Variants in GPR15 observed in about 807,000 individuals in gnomAD.
GPR15 encodes the protein G protein-coupled receptor 15, also known as brother of Bonzo.
Under a neutral mutation model 19.3 loss-of-function variants are expected in GPR15, and 16 were observed. The observed-to-expected ratio is 0.83, with a 90% CI of 0.56 to 1.26. The LOEUF (loss-of-function observed/expected upper bound fraction) is 1.26. GPR15 is among the 50% of genes most tolerant of loss of function. The probability of loss-of-function intolerance (pLI) is 0.00; values close to 1 mark genes in which losing one functional copy is unlikely to be tolerated. For missense variants in GPR15, 458 were observed against 429.4 expected (o/e 1.07, Z -0.59); for synonymous variants, 170 against 171.2 (o/e 0.99, Z 0.05).
chr3:98,532,595 G>A lies in GPR15; in HGVS notation c.562G>A (p.Ala188Thr). The A allele has an allele frequency of 6.2e-7, 1 of 1,614,146 alleles. No individual in the cohort carries two copies. Among genetic ancestry groups the A allele is most frequent in the Non-Finnish European group, 8.5e-7 (1 of 1,180,028 alleles). ...TAAGCCATACTGTGCAGAGAAAAAG[G>A]CAACTCCAATTAAACTCATATGGTC... Reference protein sequence around the residue: ...DDKPYCAEKKATPIKLIWSLV... With the variant: ...DDKPYCAEKKTTPIKLIWSLV... Residue 188 changes from alanine to threonine, a missense_variant, in exon 1 of 1, where the codon GCA becomes ACA. Coordinates refer to ENST00000284311, the MANE Select transcript of GPR15 (RefSeq NM_005290.4).
chr3:98,532,101 G>A lies in GPR15; in HGVS notation c.68G>A (p.Arg23Lys). The A allele has an allele frequency of 9.9e-6, 16 of 1,614,114 alleles. No individual in the cohort carries two copies. The highest frequency in any genetic ancestry group is 1.3e-5 in the African/African-American group (1 of 75,024). ...GCTACGAGCCCAAACTCTGACATCA[G>A]GGAGACCCACTCCCATGTTCCTTAC... ...YYATSPNSDI[R>K]ETHSHVPYTS... is the part of the protein sequence containing the mutation. The change falls in exon 1 of 1, where the codon AGG (arginine) becomes AAG (lysine). Residue 23 changes from arginine (R) to lysine (K), a missense_variant. By Grantham distance (26) the Arg-to-Lys change is conservative. Coordinates refer to ENST00000284311, the MANE Select transcript of GPR15 (RefSeq NM_005290.4).
Position 98,532,011 on chromosome 3 carries a change from G to C in GPR15, c.-23G>C. On this transcript the variant is annotated 5_prime_UTR_variant, in exon 1 of 1. Coordinates refer to ENST00000284311, the MANE Select transcript of GPR15 (RefSeq NM_005290.4). Reference sequence around the variant, plus strand: ...ACATCATATGTAAGTAAACTCACCAGATTTGGCATCTGCTCTTTGGTGATG... The same window carrying C: ...ACATCATATGTAAGTAAACTCACCACATTTGGCATCTGCTCTTTGGTGATG... The C allele has an allele frequency of 1.3e-6, 2 of 1,579,466 alleles. No homozygotes were observed. The highest frequency in any genetic ancestry group is 1.2e-5 in the South Asian group (1 of 85,516).
In GPR15 at chr3:98,534,507, C is replaced by T. The variant is rs1576282222; in HGVS notation, c.*1391C>T. On this transcript the variant is annotated 3_prime_UTR_variant, in exon 1 of 1. Transcript: ENST00000284311. ...AAAAAACTTAGAATCCTTTCAAAGA[C>T]TAGCCAATTTAATTTCATCTCATGT... Among the ~76,000 whole-genome samples the T allele has an allele frequency of 6.6e-6, 1 of 152,160 alleles. No individual in the cohort carries two copies. The highest frequency in any genetic ancestry group is 1.5e-5 in the Non-Finnish European group (1 of 68,014).
Position 98,532,202 on chromosome 3 carries a change from G to A in GPR15, c.169G>A (p.Ala57Thr), listed in dbSNP as rs781294316. ...GCTGGGGAACCTTGTTCTCATGGGA[G>A]CGTTGCATTTCAAACCCGGCAGCCG... Reference protein sequence around the residue: ...GVLGNLVLMGALHFKPGSRRL... With the variant: ...GVLGNLVLMGTLHFKPGSRRL... The change falls in exon 1 of 1, where the codon GCG (alanine) becomes ACG (threonine). Residue 57 changes from alanine to threonine, a missense_variant. Transcript: ENST00000284311. 2 of 1,614,042 alleles carry A rather than the reference G, an allele frequency of 1.2e-6. No homozygotes were observed. The highest frequency in any genetic ancestry group is 1.7e-6 in the Non-Finnish European group (2 of 1,180,028).
Position 98,532,129 on chromosome 3 carries a change from C to T in GPR15, c.96C>T (p.Thr32=). 1.2e-6 allele frequency: 2 copies of T among 1,614,190 alleles called. No homozygotes were observed. The highest frequency in any genetic ancestry group is 8.5e-7 in the Non-Finnish European group (1 of 1,180,028). ...IRETHSHVPY[T]SVFLPVFYTA... ...AGACCCACTCCCATGTTCCTTACAC[C>T]TCTGTCTTCCTTCCAGTCTTTTACA... Residue 32 remains threonine (T), a synonymous_variant, in exon 1 of 1, where the codon ACC becomes ACT. Transcript: ENST00000284311.
In GPR15 at chr3:98,533,225, G is replaced by T; in HGVS notation, c.*109G>T. 2 of 1,198,500 alleles carry T rather than the reference G, an allele frequency of 1.7e-6. No homozygotes were observed. The highest frequency in any genetic ancestry group is 2.3e-6 in the Non-Finnish European group (2 of 871,598). 74.2% of individuals were successfully genotyped at this position (1,198,500 alleles called of 1,614,324 possible). A position where few individuals can be genotyped will look rare whatever the true frequency, so the allele number is the denominator to read the frequency against. ...GATTCACATTGCTTCATAGATGCAA[G>T]GAAGAGTTCATTTTTAAAGAGAGGA... On this transcript the variant is annotated 3_prime_UTR_variant, in exon 1 of 1. Transcript: ENST00000284311.
rs1706656979 is a variant in GPR15 at position 98,532,687 on chromosome 3, T to A, written c.654T>A (p.Ile218=). 6.2e-7 allele frequency: 1 copy of A among 1,614,046 alleles called. No homozygotes were observed. The highest frequency in any genetic ancestry group is 1.3e-5 in the African/African-American group (1 of 74,914). Reference sequence around the variant, plus strand: ...GCATTGTGACCTGCTACTGTTGCATTGCAAGGAAGCTGTGTGCCCATTACC... The same window carrying A: ...GCATTGTGACCTGCTACTGTTGCATAGCAAGGAAGCTGTGTGCCCATTACC... The part of the protein sequence containing the change: ...LLSIVTCYCC[I]ARKLCAHYQQ... Residue 218 remains isoleucine (I), a synonymous_variant, in exon 1 of 1, where the codon ATT becomes ATA. Transcript: ENST00000284311.
At position 98,532,449 on chromosome 3, in the gene GPR15, TC is replaced by T; in HGVS notation, c.417del (p.Val140TyrfsTer13). The T allele has an allele frequency of 6.2e-7, 1 of 1,614,116 alleles. No individual in the cohort carries two copies. Among genetic ancestry groups the T allele is most frequent in the Non-Finnish European group, 8.5e-7 (1 of 1,179,994 alleles). ...CGCTACCTGGCCATTGTGTGGCCAG[TC>T]GTATCCAGGAAATTCAGAAGGACAG... is the stretch of plus-strand genomic sequence containing the variant. ...VDRYLAIVWP[V>X]VSRKFRRTDC... On this transcript the variant is annotated frameshift_variant, in exon 1 of 1. Transcript: ENST00000284311. LOFTEE classifies it high-confidence loss of function.
Position 98,533,307 on chromosome 3 carries a change from G to A in GPR15, c.*191G>A, listed in dbSNP as rs35509642. ...GGCCATGTGCTGTTTTCTCAGCTAA[G>A]CAGCCTTCTTCGACCCTTGCCAATC... On this transcript the variant is annotated 3_prime_UTR_variant, in exon 1 of 1. Transcript: ENST00000284311. Among the ~76,000 whole-genome samples, 1 of 152,256 alleles carries A rather than the reference G, an allele frequency of 6.6e-6. No homozygotes were observed. Among genetic ancestry groups the A allele is most frequent in the South Asian group, 2.1e-4 (1 of 4,828 alleles).
rs1480214823 is a variant in GPR15 at position 98,532,338 on chromosome 3, G to A, written c.305G>A (p.Gly102Asp). Residue 102 changes from glycine to aspartate, a missense_variant, in exon 1 of 1, where the codon GGC (glycine) becomes GAC (aspartate). Gly to Asp is a moderately conservative substitution (Grantham distance 94). Coordinates refer to ENST00000284311, the MANE Select transcript of GPR15 (RefSeq NM_005290.4). ...GCATCTCTAGGACTGTGGAGGACGG[G>A]CTCCTTCCTGTGCAAAGGGAGCTCC... Reference protein sequence around the residue: ...KEASLGLWRTGSFLCKGSSYM... With the variant: ...KEASLGLWRTDSFLCKGSSYM... 3 of 1,614,128 alleles carry A rather than the reference G, an allele frequency of 1.9e-6. No homozygotes were observed. Among genetic ancestry groups the A allele is most frequent in the Non-Finnish European group, 2.5e-6 (3 of 1,180,008 alleles).
At position 98,532,029 on chromosome 3, in the gene GPR15, T is replaced by C. The variant is rs1490022726; in HGVS notation, c.-5T>C. The C allele has an allele frequency of 2.5e-6, 4 of 1,598,052 alleles. No homozygotes were observed. Among genetic ancestry groups the C allele is most frequent in the Non-Finnish European group, 3.4e-6 (4 of 1,170,382 alleles). ...CTCACCAGATTTGGCATCTGCTCTT[T>C]GGTGATGGACCCAGAAGAAACTTCA... On this transcript the variant is annotated 5_prime_UTR_variant, in exon 1 of 1. Coordinates refer to ENST00000284311, the MANE Select transcript of GPR15 (RefSeq NM_005290.4).
chr3:98,533,214 C>T lies in GPR15; in HGVS notation c.*98C>T. On this transcript the variant is annotated 3_prime_UTR_variant, in exon 1 of 1. Transcript: ENST00000284311. Reference sequence around the variant, plus strand: ...GTTAATGATAGGATTCACATTGCTTCATAGATGCAAGGAAGAGTTCATTTT... The same window carrying T: ...GTTAATGATAGGATTCACATTGCTTTATAGATGCAAGGAAGAGTTCATTTT... The T allele has an allele frequency of 7.8e-7, 1 of 1,287,698 alleles. No homozygotes were observed. The highest frequency in any genetic ancestry group is 1.1e-6 in the Non-Finnish European group (1 of 946,694). The allele number at this position is 1,287,698 out of a possible 1,614,324, so 79.8% of individuals were successfully genotyped here. A position where few individuals can be genotyped will look rare whatever the true frequency, so the allele number is the denominator to read the frequency against.
rs1440829842 is a variant in GPR15 at position 98,534,171 on chromosome 3, G to A, written c.*1055G>A. 1.3e-5 allele frequency among the ~76,000 whole-genome samples: 2 copies of A among 152,216 alleles called. No individual in the cohort carries two copies. The highest frequency in any genetic ancestry group is 3.9e-4 in the East Asian group (2 of 5,188). Reference sequence around the variant, plus strand: ...GTAATATAGGGAGACAGGCTGCTCTGTATTCAGCCAAAGTAGAAAATCTCT... The same window carrying A: ...GTAATATAGGGAGACAGGCTGCTCTATATTCAGCCAAAGTAGAAAATCTCT... On this transcript the variant is annotated 3_prime_UTR_variant, in exon 1 of 1. Coordinates refer to ENST00000284311, the MANE Select transcript of GPR15 (RefSeq NM_005290.4).
In GPR15 at chr3:98,534,312, A is replaced by G. The variant is rs1706680731; in HGVS notation, c.*1196A>G. On this transcript the variant is annotated 3_prime_UTR_variant, in exon 1 of 1. Coordinates refer to ENST00000284311, the MANE Select transcript of GPR15 (RefSeq NM_005290.4). ...ATTTGTACCTATATTCCTTTTGAAG[A>G]CTTTGATGTGAAAAACATGTAATTA... is the stretch of plus-strand genomic sequence containing the variant. Among the ~76,000 whole-genome samples, 1 of 152,202 alleles carries G rather than the reference A, an allele frequency of 6.6e-6. No individual in the cohort carries two copies. Among genetic ancestry groups the G allele is most frequent in the African/African-American group, 2.4e-5 (1 of 41,458 alleles).
At position 98,531,994 on chromosome 3, in the gene GPR15, T is replaced by C. The variant is rs768569022; in HGVS notation, c.-40T>C. 16 of 1,550,452 alleles carry C rather than the reference T, an allele frequency of 1.0e-5. No individual in the cohort carries two copies. The highest frequency in any genetic ancestry group is 2.3e-5 in the East Asian group (1 of 44,258). ...CTAAAATTTATACAAAAACATCATA[T>C]GTAAGTAAACTCACCAGATTTGGCA... On this transcript the variant is annotated 5_prime_UTR_variant, in exon 1 of 1. An upstream start codon of the reference 5' UTR is lost. Coordinates refer to ENST00000284311, the MANE Select transcript of GPR15 (RefSeq NM_005290.4).
chr3:98,534,479 C>G lies in GPR15; in HGVS notation c.*1363C>G, dbSNP rs1706682579. Among the ~76,000 whole-genome samples the G allele has an allele frequency of 6.6e-6, 1 of 152,110 alleles. No homozygotes were observed. The highest frequency in any genetic ancestry group is 6.5e-5 in the Admixed American group (1 of 15,276). On this transcript the variant is annotated 3_prime_UTR_variant, in exon 1 of 1. Transcript: ENST00000284311. ...ACTTCTAAATATTAGATTTGAAAAT[C>G]AGAAAAAACTTAGAATCCTTTCAAA...
rs1706666509 is a variant in GPR15 at position 98,533,088 on chromosome 3, G to A, written c.1055G>A (p.Arg352Lys). The A allele has an allele frequency of 6.2e-7, 1 of 1,610,690 alleles. No homozygotes were observed. Among genetic ancestry groups the A allele is most frequent in the Admixed American group, 1.7e-5 (1 of 59,996 alleles). ...TTCATTCATGCAGAAGATTTTGCCA[G>A]GAGGAGGAAGAGGTCTGTGTCACTC... Reference protein sequence around the residue: ...STFIHAEDFARRRKRSVSL With the variant: ...STFIHAEDFAKRRKRSVSL The change falls in exon 1 of 1, where the codon AGG becomes AAG. Residue 352 changes from arginine (R) to lysine (K), a missense_variant. Coordinates refer to ENST00000284311, the MANE Select transcript of GPR15 (RefSeq NM_005290.4).
At position 98,533,989 on chromosome 3, in the gene GPR15, T is replaced by A. The variant is rs1706677238; in HGVS notation, c.*873T>A. Reference sequence around the variant, plus strand: ...TTTTAATTACCCAGTTATCTAGTTATCAAATGAAAATGTTATTACTAATAT... The same window carrying A: ...TTTTAATTACCCAGTTATCTAGTTAACAAATGAAAATGTTATTACTAATAT... On this transcript the variant is annotated 3_prime_UTR_variant, in exon 1 of 1. Coordinates refer to ENST00000284311, the MANE Select transcript of GPR15 (RefSeq NM_005290.4). 6.6e-6 allele frequency among the ~76,000 whole-genome samples: 1 copy of A among 152,190 alleles called. No individual in the cohort carries two copies. Among genetic ancestry groups the A allele is most frequent in the Non-Finnish European group, 1.5e-5 (1 of 68,004 alleles).
At position 98,532,802 on chromosome 3, in the gene GPR15, T is replaced by G. The variant is rs1478334917; in HGVS notation, c.769T>G (p.Phe257Val). 6.2e-7 allele frequency: 1 copy of G among 1,613,918 alleles called. No homozygotes were observed. Among genetic ancestry groups the G allele is most frequent in the African/African-American group, 1.3e-5 (1 of 74,918 alleles). Residue 257 changes from phenylalanine to valine, a missense_variant, in exon 1 of 1, where the codon TTC (phenylalanine) becomes GTC (valine). Transcript: ENST00000284311. ...AGCCTTTCTTGTCTCCTGGCTGCCC[T>G]TCAATACTTTCAAGTTCCTGGCCAT... ...VAAFLVSWLPFNTFKFLAIVS... is the reference protein window; with the variant it reads ...VAAFLVSWLPVNTFKFLAIVS...
Sources: gnomAD v4.1 joint callset for allele counts (sites outside exome capture counted in the v4.1 genomes callset) on GRCh38, gnomAD v4.1.1 for gene constraint, MANE v1.5 for transcripts, NCBI Gene and HGNC (gene_info 2026-07-23, HGNC 2026-07-21) for gene names.